Variants in MDGA2 observed in about 807,000 individuals in gnomAD.
MDGA2 encodes the protein MAM domain containing glycosylphosphatidylinositol anchor 2, also known as MAM domain-containing glycosylphosphatidylinositol anchor protein 2.
In MDGA2, 40 loss-of-function variants were observed where a neutral mutation model predicts 117.8. The observed-to-expected ratio is 0.34, with a 90% CI of 0.26 to 0.44. The LOEUF is 0.44. MDGA2 is among the 20% of genes least tolerant of loss of function. The probability of loss-of-function intolerance (pLI) is 1.00; values close to 1 mark genes in which losing one functional copy is unlikely to be tolerated. For synonymous variants in MDGA2, 452 were observed against 439.0 expected, an observed-to-expected ratio of 1.03 and a Z score of -0.37; for missense variants, 1,123 against 1,250.6, an observed-to-expected ratio of 0.90 and a Z score of 1.54.
chr14:47,231,261 T>C (rs1185905408), intron 2 of MDGA2, among the ~76,000 whole-genome samples: 1 of 152,084 alleles, frequency 6.6e-6, no homozygotes, highest in African/African-American at 2.4e-5. Flanking sequence ...TATTTATTAA[T>C]GCATCTCATT....
chr14:47,298,851 A>AT (rs1039902811), intron 2 of MDGA2, among the ~76,000 whole-genome samples: 26 of 151,212 alleles, frequency 1.7e-4, no homozygotes, highest in African/African-American at 2.4e-4. Context: ...CGTCCGGCTA[A>AT]TTTTTTTTGC....
intron 3 of MDGA2, among the ~76,000 whole-genome samples, chr14:47,194,533 C>T (rs535741585): frequency 2.0e-5 from 3 of 152,044 alleles, no homozygotes; most frequent in East Asian, 3.9e-4. Flanking sequence ...ATTCTCATTC[C>T]ACTAGGTTAA....
Position 47,133,118 on chromosome 14 carries a change from A to AC in MDGA2, c.793-1273_793-1272insG, listed in dbSNP as rs1555356485. ...ATTTTCCTCAGTGGTAAAAAAAAAA[A>AC]AAACAAACAAACAAAAAAAAACTAC... On this transcript the variant is annotated intron_variant, in intron 4 of 16. Coordinates refer to ENST00000399232, the MANE Select transcript of MDGA2 (RefSeq NM_001113498.3). Among the ~76,000 whole-genome samples the AC allele has an allele frequency of 2.8e-3, 422 of 150,838 alleles. 4 individuals are homozygous for AC. Among genetic ancestry groups the AC allele is most frequent in the African/African-American group, 9.2e-3 (378 of 41,176 alleles).
intron 1 of MDGA2, among the ~76,000 whole-genome samples, chr14:47,636,460 A>T (rs1186024229): frequency 2.0e-5 from 3 of 152,068 alleles, no homozygotes; most frequent in African/African-American, 4.8e-5. Context: ...TCAACTGAAG[A>T]TATCTAGCAT....
chr14:47,095,206 T>C (rs1259404258), intron 6 of MDGA2, among the ~76,000 whole-genome samples: 3 of 152,030 alleles, frequency 2.0e-5, no homozygotes, highest in African/African-American at 4.8e-5. Context: ...TATTTTTACA[T>C]TTTAACAATT....
intron 10 of MDGA2, among the ~76,000 whole-genome samples, chr14:46,898,020 A>C (rs1883148201): frequency 6.6e-6 from 1 of 151,998 alleles, no homozygotes; most frequent in South Asian, 2.1e-4. Context: ...AGAGGATCTG[A>C]AATTCAGAGA....
At chr14:47,540,565 C>CATACACAT (rs1895332134) in intron 1 of MDGA2, among the ~76,000 whole-genome samples, 1 of 89,742 alleles carries the variant, frequency 1.1e-5, no homozygotes, top group East Asian at 4.1e-4. Flanking sequence ...TATATATATA[C>CATACACAT]ACACACACAT....
At chr14:47,557,522 A>G (rs1174669847) in intron 1 of MDGA2, among the ~76,000 whole-genome samples, 1 of 152,220 alleles carries the variant, frequency 6.6e-6, no homozygotes, top group Non-Finnish European at 1.5e-5. Flanking sequence ...TAAGAACCAG[A>G]GAAAGTGAGA....
chr14:47,068,646 G>A (rs183714859), intron 6 of MDGA2, among the ~76,000 whole-genome samples: 19 of 152,050 alleles, frequency 1.2e-4, no homozygotes, highest in Non-Finnish European at 2.1e-4. Context: ...TTCACTATGA[G>A]AAATGAGAAT....
chr14:46,990,016 A>G (rs1055556082), intron 8 of MDGA2, among the ~76,000 whole-genome samples: 1 of 152,110 alleles, frequency 6.6e-6, no homozygotes, highest in Admixed American at 6.6e-5. Flanking sequence ...GCTGTCACTA[A>G]AGAATACTCT....
chr14:47,359,031 A>C (rs554397020), intron 1 of MDGA2, among the ~76,000 whole-genome samples: 1 of 152,316 alleles, frequency 6.6e-6, no homozygotes, highest in South Asian at 2.1e-4. Context: ...AAAGAAAAAC[A>C]AAGTTGAAGA....
chr14:46,948,859 C>T (rs1489647830), intron 9 of MDGA2, among the ~76,000 whole-genome samples: 2 of 151,982 alleles, frequency 1.3e-5, no homozygotes, highest in African/African-American at 4.8e-5. Flanking sequence ...TCTTACCACA[C>T]TTCTTTTCCA....
intron 1 of MDGA2, among the ~76,000 whole-genome samples, chr14:47,606,539 CCTGA>C (rs573340689): frequency 4.4e-4 from 67 of 152,234 alleles, no homozygotes; most frequent in African/African-American, 1.4e-3. Flanking sequence ...GTAATTGAGA[CCTGA>C]CTGTGTGTAG....
chr14:47,099,191 C>T (rs1387276291), intron 5 of MDGA2, among the ~76,000 whole-genome samples: 1 of 151,666 alleles, frequency 6.6e-6, no homozygotes, highest in Non-Finnish European at 1.5e-5. Flanking sequence ...TATTTTAATA[C>T]CAAAATTTGC....
intron 1 of MDGA2, among the ~76,000 whole-genome samples, chr14:47,361,406 T>A (rs10130426): frequency 0.33 from 49,468 of 151,632 alleles, 8,707 homozygotes; most frequent in Admixed American, 0.51. Flanking sequence ...GGTGAGAAAA[T>A]AAATTTCTGA....
At chr14:47,174,574 G>A (rs1884346042) in intron 3 of MDGA2, among the ~76,000 whole-genome samples, 2 of 152,148 alleles carry the variant, frequency 1.3e-5, no homozygotes, top group African/African-American at 4.8e-5. Flanking sequence ...AATGAAGGCA[G>A]AAATAAAGAT....
intron 7 of MDGA2, among the ~76,000 whole-genome samples, chr14:47,055,002 C>CTT (rs10640408): frequency 0.28 from 35,591 of 125,530 alleles, 5,992 homozygotes; most frequent in African/African-American, 0.44. Context: ...TTTTTCTTTT[C>CTT]TTTTTTTTTT....
intron 9 of MDGA2, among the ~76,000 whole-genome samples, chr14:46,931,772 C>A (rs185833617): frequency 6.6e-6 from 1 of 152,222 alleles, no homozygotes; most frequent in East Asian, 1.9e-4. Flanking sequence ...ATCCACCAGC[C>A]TCGGCCTCCC....
chr14:47,117,742 G>C (rs1594640016), intron 5 of MDGA2, among the ~76,000 whole-genome samples: 1 of 152,120 alleles, frequency 6.6e-6, no homozygotes, highest in Admixed American at 6.5e-5. Flanking sequence ...GTGGCTATCA[G>C]GGGTTGAGTG....
Sources: allele counts gnomAD v4.1 joint callset (sites outside exome capture counted in the v4.1 genomes callset), GRCh38; gene constraint gnomAD v4.1.1; transcripts MANE v1.5; gene names NCBI Gene and HGNC (gene_info 2026-07-23, HGNC 2026-07-21).